The following RNF144A variants were observed in gnomAD, a reference collection of about 807,000 sequenced individuals.
RNF144A encodes E3 ubiquitin-protein ligase RNF144A.
RNF144A carries 11 observed loss-of-function variants against 38.7 expected under a neutral mutation model. That is an observed-to-expected ratio of 0.28 (90% confidence interval 0.18 to 0.47). RNF144A has a LOEUF of 0.47. RNF144A is among the 20% of genes least tolerant of loss of function. RNF144A has a pLI of 0.99. For synonymous variants in RNF144A, 149 were observed against 143.9 expected (o/e 1.04, Z -0.25); for missense variants, 316 against 377.2 (o/e 0.84, Z 1.34).
intron 6 of RNF144A, among the ~76,000 whole-genome samples, chr2:7,060,152 C>A (rs1198109786): frequency 6.6e-6 from 1 of 152,132 alleles, no homozygotes; most frequent in African/African-American, 2.4e-5. Context: ...TCTCCTCTTT[C>A]TTCTTCATCT....
intron 3 of RNF144A, among the ~76,000 whole-genome samples, chr2:7,001,771 TAA>T (rs1439025367): frequency 6.6e-6 from 1 of 152,234 alleles, no homozygotes; most frequent in East Asian, 1.9e-4. Context: ...GTGGTTTAAA[TAA>T]AAAGTCAGAA....
At chr2:6,990,421 CACACACACACACACAG>C (rs750977171) in intron 2 of RNF144A, among the ~76,000 whole-genome samples, 3,035 of 135,298 alleles carry the variant, frequency 0.022, 45 homozygotes, top group Non-Finnish European at 0.029. Flanking sequence ...CACACACACA[CACACACACACACACAG>C]AGCTATATAT....
chr2:7,053,280 A>C, intron 6 of RNF144A, among the ~76,000 whole-genome samples: 1 of 152,244 alleles, frequency 6.6e-6, no homozygotes, highest in Non-Finnish European at 1.5e-5. Context: ...CTGGATTTTC[A>C]GAAGATCCCC....
intron 2 of RNF144A, among the ~76,000 whole-genome samples, chr2:6,994,493 G>GATTGAAAATGATGAC (rs1444419749): frequency 4.3e-4 from 65 of 152,262 alleles, no homozygotes; most frequent in African/African-American, 1.4e-3. Flanking sequence ...CCCATGTAGA[G>GATTGAAAATGATGAC]ATTGAAAATG....
At chr2:7,011,957 G>T (rs1017301881) in intron 3 of RNF144A, among the ~76,000 whole-genome samples, 2 of 152,190 alleles carry the variant, frequency 1.3e-5, no homozygotes, top group African/African-American at 4.8e-5. Flanking sequence ...CTCTTGGGTA[G>T]CTTTGAAACC....
At chr2:6,994,037 T>A (rs977799268) in intron 2 of RNF144A, among the ~76,000 whole-genome samples, 1 of 152,294 alleles carries the variant, frequency 6.6e-6, no homozygotes, top group Middle Eastern at 3.4e-3. Context: ...TAAATTTAAG[T>A]TATGTGATAT....
intron 6 of RNF144A, among the ~76,000 whole-genome samples, chr2:7,065,096 T>TA (rs890880186): frequency 3.9e-5 from 6 of 152,390 alleles, no homozygotes; most frequent in African/African-American, 1.4e-4. Flanking sequence ...TGCTATGTGC[T>TA]AGGTACCACT....
At chr2:7,058,278 C>T (rs968495746) in intron 6 of RNF144A, among the ~76,000 whole-genome samples, 5 of 145,584 alleles carry the variant, frequency 3.4e-5, no homozygotes, top group Non-Finnish European at 5.9e-5. Flanking sequence ...CCCCAAGCCA[C>T]GAGGGTAACA....
rs139647787 is a variant in RNF144A, at chr2:7,052,387, A to G, written c.735-15829A>G. Among the ~76,000 whole-genome samples, 660 of 152,288 alleles carry G rather than the reference A, an allele frequency of 4.3e-3. 10 individuals are homozygous for G. Among genetic ancestry groups the G allele is most frequent in the African/African-American group, 0.015 (630 of 41,552 alleles). ...ATTTTGTGCCCATTTTATAGATCAG[A>G]AAACCTAAGTCTCAGTTAAGTTCAC... On this transcript the variant is annotated intron_variant, in intron 6 of 6. Transcript: ENST00000432850.
At chr2:7,035,387 A>T (rs1310473888) in intron 8 of RNF144A, among the ~76,000 whole-genome samples, 1 of 152,126 alleles carries the variant, frequency 6.6e-6, no homozygotes, top group Non-Finnish European at 1.5e-5. Flanking sequence ...ACCCACATCG[A>T]CATAACTTCC....
chr2:7,073,153 C>A (rs546142500), downstream of RNF144A, among the ~76,000 whole-genome samples: 1 of 152,336 alleles, frequency 6.6e-6, no homozygotes, highest in East Asian at 1.9e-4. Context: ...GGCTTGTTTC[C>A]TTTCCTAGGG....
At chr2:7,003,131 G>A (rs1292558831) in intron 3 of RNF144A, among the ~76,000 whole-genome samples, 1 of 152,078 alleles carries the variant, frequency 6.6e-6, no homozygotes, top group African/African-American at 2.4e-5. Flanking sequence ...GTACAGCTGT[G>A]TTCGTATTTT....
intron 3 of RNF144A, among the ~76,000 whole-genome samples, chr2:6,999,923 C>G (rs1447279929): frequency 6.6e-6 from 1 of 152,234 alleles, no homozygotes; most frequent in Non-Finnish European, 1.5e-5. Flanking sequence ...CCACATCCCC[C>G]ACTACCAAGG....
chr2:6,924,534 C>T (rs1485305597), intron 1 of RNF144A, among the ~76,000 whole-genome samples: 1 of 152,148 alleles, frequency 6.6e-6, no homozygotes, highest in East Asian at 1.9e-4. Flanking sequence ...TGTCCCAGAG[C>T]AGGGCAAAGA....
chr2:7,029,329 G>A (rs138268527), intron 7 of RNF144A, among the ~76,000 whole-genome samples: 145 of 152,294 alleles, frequency 9.5e-4, no homozygotes, highest in African/African-American at 3.3e-3. Context: ...TTCCCCTCAC[G>A]CCAGTGGGTA....
intron 1 of RNF144A, among the ~76,000 whole-genome samples, chr2:6,939,743 T>A (rs1249164589): frequency 6.6e-6 from 1 of 152,234 alleles, no homozygotes; most frequent in Non-Finnish European, 1.5e-5. Flanking sequence ...CTGTTAATTT[T>A]TGTGAAAGGT....
At chr2:6,978,000 G>A (rs1427964999) in intron 2 of RNF144A, among the ~76,000 whole-genome samples, 1 of 152,120 alleles carries the variant, frequency 6.6e-6, no homozygotes, top group African/African-American at 2.4e-5. Context: ...GTGAAATAGT[G>A]TCCTTGGTGG....
At chr2:7,045,677 G>C (rs1002079070), downstream of RNF144A, among the ~76,000 whole-genome samples, 1 of 152,178 alleles carries the variant, frequency 6.6e-6, no homozygotes, top group Non-Finnish European at 1.5e-5. Flanking sequence ...CTGGGGGTTA[G>C]GCTTCAACAC....
At chr2:6,995,928 T>C (rs1331062157) in intron 2 of RNF144A, among the ~76,000 whole-genome samples, 2 of 152,202 alleles carry the variant, frequency 1.3e-5, no homozygotes, top group Admixed American at 6.5e-5. Flanking sequence ...CGACCCTTTA[T>C]GTGATCTCCC....
Sources: allele counts gnomAD v4.1 joint callset (sites outside exome capture counted in the v4.1 genomes callset), GRCh38; gene constraint gnomAD v4.1.1; transcripts MANE v1.5; gene names NCBI Gene and HGNC (gene_info 2026-07-23, HGNC 2026-07-21).